The following LYPD1 variants were observed in gnomAD, a reference collection of about 807,000 sequenced individuals.
The protein encoded by LYPD1 is LY6/PLAUR domain containing 1.
A neutral mutation model predicts 14.2 loss-of-function variants in LYPD1; 14 were observed. The ratio of observed to expected loss-of-function variants is 0.99; its 90% CI spans 0.65 to 1.54. LYPD1 has a LOEUF of 1.54. LYPD1 is among the 40% of genes most tolerant of loss of function. The pLI is 0.00. For missense variants in LYPD1, 165 were observed against 175.7 expected, an observed-to-expected ratio of 0.94 and a Z score of 0.34; for synonymous variants, 85 against 70.6, an observed-to-expected ratio of 1.20 and a Z score of -1.02.
At chr2:132,647,910 G>A (rs933260054) in intron 2 of LYPD1, among the ~76,000 whole-genome samples, 2 of 152,142 alleles carry the variant, frequency 1.3e-5, no homozygotes, top group African/African-American at 4.8e-5. Flanking sequence ...CAAGTGGGAG[G>A]TAAAGAAGTA....
chr2:132,655,975 T>TG (rs1682573434), intron 2 of LYPD1, among the ~76,000 whole-genome samples: 1 of 152,212 alleles, frequency 6.6e-6, no homozygotes, highest in Non-Finnish European at 1.5e-5. Flanking sequence ...CCCCTACAGA[T>TG]GTACATACAA....
Position 132,644,980 on chromosome 2 carries a change from A to G in LYPD1, c.*1065T>C, listed in dbSNP as rs1681974581. The G allele has an allele frequency of 2.6e-6, 3 of 1,167,110 alleles. No individual in the cohort carries two copies. The African/African-American group carries it at 4.7e-5, about 18-fold the overall frequency. The allele number at this position is 1,167,110 out of a possible 1,614,324, so 72.3% of individuals were successfully genotyped here. ...AGTCCAACACTGAAAAATTGGTACC[A>G]TTTCCTGGCCAGTAAGCACAGAACA... On this transcript the variant is annotated 3_prime_UTR_variant, in exon 3 of 3. Coordinates refer to ENST00000397463, the MANE Select transcript of LYPD1 (RefSeq NM_144586.7).
intron 2 of LYPD1, among the ~76,000 whole-genome samples, chr2:132,647,934 G>A (rs573274158): frequency 1.3e-5 from 2 of 151,462 alleles, no homozygotes; most frequent in Non-Finnish European, 2.9e-5. Context: ...TAGATTTACC[G>A]TAAAACATGC....
In LYPD1 at chr2:132,644,435, A is replaced by G. The variant is rs1348960401; in HGVS notation, c.*1610T>C. Reference sequence around the variant, plus strand: ...ATAATTCTTTTTCCCCACATGAGGGATCTAAAAGTGTCTGAAAAGAAACAC... The same window carrying G: ...ATAATTCTTTTTCCCCACATGAGGGGTCTAAAAGTGTCTGAAAAGAAACAC... On this transcript the variant is annotated 3_prime_UTR_variant, in exon 3 of 3. Coordinates refer to ENST00000397463, the MANE Select transcript of LYPD1 (RefSeq NM_144586.7). 6.6e-6 allele frequency among the ~76,000 whole-genome samples: 1 copy of G among 152,218 alleles called. No individual in the cohort carries two copies. The highest frequency in any genetic ancestry group is 1.5e-5 in the Non-Finnish European group (1 of 68,044).
chr2:132,669,221 G>T lies in LYPD1; in HGVS notation c.52+660C>A, dbSNP rs1683480906. Among the ~76,000 whole-genome samples, 1 of 152,188 alleles carries T rather than the reference G, an allele frequency of 6.6e-6. No individual in the cohort carries two copies. Among genetic ancestry groups the T allele is most frequent in the African/African-American group, 2.4e-5 (1 of 41,462 alleles). Reference sequence around the variant, plus strand: ...CGCACCCTGGATCCCCGACCCCGCAGCCCTTTCTTCCAGGCCCCGGCTTTC... The same window carrying T: ...CGCACCCTGGATCCCCGACCCCGCATCCCTTTCTTCCAGGCCCCGGCTTTC... On this transcript the variant is annotated intron_variant, in intron 1 of 2. Coordinates refer to ENST00000397463, the MANE Select transcript of LYPD1 (RefSeq NM_144586.7). The surrounding 1 kb of genome is among the most constrained non-coding windows in gnomAD (Gnocchi z 4.3).
At chr2:132,650,271 T>C (rs1682305548) in intron 2 of LYPD1, among the ~76,000 whole-genome samples, 1 of 152,220 alleles carries the variant, frequency 6.6e-6, no homozygotes, top group Non-Finnish European at 1.5e-5. Flanking sequence ...GATGCCATTA[T>C]TATTTATCAC....
chr2:132,655,260 A>G (rs996438877), intron 2 of LYPD1, among the ~76,000 whole-genome samples: 1 of 152,150 alleles, frequency 6.6e-6, no homozygotes, highest in African/African-American at 2.4e-5. Context: ...GGAGATGCCA[A>G]TTTGAAAGCT....
At position 132,644,039 on chromosome 2, in the gene LYPD1, G is replaced by C. The variant is rs1167343677; in HGVS notation, c.*2006C>G. ...AGGGGAATTTACTGTGGGTGTCTTGGCTCCTTACGAAAAGAGAGAGCAAAT... is the reference window on the plus strand; with the variant it reads ...AGGGGAATTTACTGTGGGTGTCTTGCCTCCTTACGAAAAGAGAGAGCAAAT... On this transcript the variant is annotated 3_prime_UTR_variant, in exon 3 of 3. Coordinates refer to ENST00000397463, the MANE Select transcript of LYPD1 (RefSeq NM_144586.7). 6.6e-6 allele frequency among the ~76,000 whole-genome samples: 1 copy of C among 152,168 alleles called. No individual in the cohort carries two copies. Among genetic ancestry groups the C allele is most frequent in the Non-Finnish European group, 1.5e-5 (1 of 68,018 alleles).
intron 2 of LYPD1, among the ~76,000 whole-genome samples, chr2:132,651,326 G>T (rs1049511896): frequency 1.3e-5 from 2 of 152,142 alleles, no homozygotes; most frequent in Non-Finnish European, 2.9e-5. Context: ...CTCAAGAAAA[G>T]AGCCACCAGG....
In LYPD1 at chr2:132,645,252, C is replaced by G. The variant is rs373021890; in HGVS notation, c.*793G>C. 1.1e-5 allele frequency: 18 copies of G among 1,614,052 alleles called. No individual in the cohort carries two copies. The highest frequency in any genetic ancestry group is 1.4e-5 in the Non-Finnish European group (17 of 1,180,040). ...TCTCGGAGACGTTTTTCTACCTCAG[C>G]TCGGTCATCAACCCGCTCCTGTACA... On this transcript the variant is annotated 3_prime_UTR_variant, in exon 3 of 3. Transcript: ENST00000397463.
In LYPD1 at chr2:132,645,793, TAC is replaced by T. The variant is rs1157539131; in HGVS notation, c.*250_*251del. On this transcript the variant is annotated 3_prime_UTR_variant, in exon 3 of 3. Coordinates refer to ENST00000397463, the MANE Select transcript of LYPD1 (RefSeq NM_144586.7). Reference sequence around the variant, plus strand: ...CTGCCAGCCTGGCCTTGACTCCGGTTACACAGACATGGGGGTGAACTTTCACT... The same window carrying T: ...CTGCCAGCCTGGCCTTGACTCCGGTTACAGACATGGGGGTGAACTTTCACT... 7 of 806,344 alleles carry T rather than the reference TAC, an allele frequency of 8.7e-6. No homozygotes were observed. The highest frequency in any genetic ancestry group is 1.7e-5 in the African/African-American group (1 of 57,776). The allele number at this position is 806,344 out of a possible 1,614,324, so 49.9% of individuals were successfully genotyped here. A position where few individuals can be genotyped will look rare whatever the true frequency, so the allele number is the denominator to read the frequency against.
intron 2 of LYPD1, among the ~76,000 whole-genome samples, chr2:132,656,243 A>G (rs1473742043): frequency 6.6e-6 from 1 of 152,188 alleles, no homozygotes; most frequent in Non-Finnish European, 1.5e-5. Context: ...ATAGTCCATT[A>G]CTTTTTACCC....
Position 132,668,532 on chromosome 2 carries a change from C to T in LYPD1, c.58G>A (p.Ala20Thr), listed in dbSNP as rs373206950. Residue 20 changes from alanine (A) to threonine (T), a missense_variant, in exon 2 of 3, where the codon GCG becomes ACG. By Grantham distance (58) the Ala-to-Thr change is moderately conservative. Transcript: ENST00000397463. Reference protein sequence around the residue: ...FCGLFLLPGFALQIQCYQCEE... With the variant: ...FCGLFLLPGFTLQIQCYQCEE... ...CACTGGTAGCACTGGATTTGCAGCG[C>T]AAAGCCTGCGAGACAGACGCAGTCG... The T allele has an allele frequency of 5.6e-6, 9 of 1,612,126 alleles. No individual in the cohort carries two copies. The African/African-American group carries it at 1.2e-4, about 22-fold the overall frequency.
chr2:132,647,078 C>CAAAT (rs1573723151), intron 2 of LYPD1, among the ~76,000 whole-genome samples: 1 of 152,208 alleles, frequency 6.6e-6, no homozygotes. Context: ...TTATTCAATT[C>CAAAT]AAATAATACT....
chr2:132,646,330 T>C lies in LYPD1; in HGVS notation c.191-50A>G, dbSNP rs1431211871. The C allele has an allele frequency of 3.1e-6, 4 of 1,287,760 alleles. No homozygotes were observed. The Admixed American group carries it at 9.6e-5, about 31-fold the overall frequency. The allele number at this position is 1,287,760 out of a possible 1,614,324, so 79.8% of individuals were successfully genotyped here. A position where few individuals can be genotyped will look rare whatever the true frequency, so the allele number is the denominator to read the frequency against. The stretch of plus-strand genomic sequence containing the variant: ...GAGTTAACGTGCACCGGCAAAAGAA[T>C]AGCTGTCCCTCTCAGCCCAAATCCA... On this transcript the variant is annotated intron_variant, in intron 2 of 2. Transcript: ENST00000397463.
rs1417979169 is a variant in LYPD1 at position 132,668,280 on chromosome 2, G to A, written c.190+120C>T. ...CCCAGCACTGTAAAACTAAATCTGC[G>A]ATAACCAGTGTGTGGGCATTAAATC... On this transcript the variant is annotated intron_variant, in intron 2 of 2. Coordinates refer to ENST00000397463, the MANE Select transcript of LYPD1 (RefSeq NM_144586.7). 1.4e-5 allele frequency: 18 copies of A among 1,266,900 alleles called. No individual in the cohort carries two copies. The East Asian group carries it at 3.7e-4, about 26-fold the overall frequency. 78.5% of individuals were successfully genotyped at this position (1,266,900 alleles called of 1,614,324 possible). A position where few individuals can be genotyped will look rare whatever the true frequency, so the allele number is the denominator to read the frequency against.
At chr2:132,655,577 C>G (rs1241124176) in intron 2 of LYPD1, among the ~76,000 whole-genome samples, 1 of 138,482 alleles carries the variant, frequency 7.2e-6, no homozygotes, top group Non-Finnish European at 1.5e-5. Flanking sequence ...TGCAGTGGCG[C>G]CATCTGGGCT....
rs765706388 is a variant in LYPD1 at position 132,644,770 on chromosome 2, T to TAAC, written c.*1272_*1274dup. On this transcript the variant is annotated 3_prime_UTR_variant, in exon 3 of 3. Coordinates refer to ENST00000397463, the MANE Select transcript of LYPD1 (RefSeq NM_144586.7). Reference sequence around the variant, plus strand: ...AAAAAGACAAAACCAGATTTATGGATAACATGAACTGCTTTCTGGATACGC... The same window carrying TAAC: ...AAAAAGACAAAACCAGATTTATGGATAACAACATGAACTGCTTTCTGGATACGC... 2.6e-5 allele frequency: 7 copies of TAAC among 271,444 alleles called. No individual in the cohort carries two copies. Among genetic ancestry groups the TAAC allele is most frequent in the Non-Finnish European group, 4.8e-5 (7 of 145,018 alleles). 16.8% of individuals were successfully genotyped at this position (271,444 alleles called of 1,614,324 possible).
chr2:132,658,060 TA>T (rs1682705950), intron 2 of LYPD1, among the ~76,000 whole-genome samples: 1 of 152,182 alleles, frequency 6.6e-6, no homozygotes, highest in African/African-American at 2.4e-5. Context: ...GCGTTCTCAT[TA>T]AAAGGCAAAG....
Sources: gnomAD v4.1 joint callset for allele counts (sites outside exome capture counted in the v4.1 genomes callset) on GRCh38, gnomAD v4.1.1 for gene constraint, Gnocchi (gnomAD v3.1) non-coding constraint, MANE v1.5 for transcripts, NCBI Gene and HGNC (gene_info 2026-07-23, HGNC 2026-07-21) for gene names.